The following ATP6V1G3 variants were observed in gnomAD, a reference collection of about 807,000 sequenced individuals.
ATP6V1G3 encodes V-type proton ATPase subunit G 3.
Under a neutral mutation model 9.3 loss-of-function variants are expected in ATP6V1G3, and 9 were observed. The ratio of observed to expected loss-of-function variants is 0.97; its 90% CI spans 0.59 to 1.69. The LOEUF is 1.69. Ranked by LOEUF, ATP6V1G3 falls within the 40% of genes most tolerant of loss-of-function variation. The pLI is 0.00. For missense variants in ATP6V1G3, 133 were observed against 139.0 expected (o/e 0.96, Z 0.22); for synonymous variants, 43 against 43.8 (o/e 0.98, Z 0.07).
chr1:198,530,557 A>T lies in ATP6V1G3; in HGVS notation c.83-1376T>A, dbSNP rs563234597. 3.9e-5 allele frequency among the ~76,000 whole-genome samples: 6 copies of T among 152,264 alleles called. No individual in the cohort carries two copies. The South Asian group carries it at 6.2e-4, about 16-fold the overall frequency. On this transcript the variant is annotated intron_variant, in intron 1 of 2. Coordinates refer to ENST00000367382, the MANE Select transcript of ATP6V1G3 (RefSeq NM_001376861.1). ...AGAACAGATATTTAGCTCTGCCTAC[A>T]CTTTCTTTAAAATCTGAGATCTGCT...
chr1:198,525,863 C>T (rs1416479712), intron 2 of ATP6V1G3, among the ~76,000 whole-genome samples: 1 of 152,014 alleles, frequency 6.6e-6, no homozygotes, highest in Non-Finnish European at 1.5e-5. Context: ...TGTGGCTTTT[C>T]AAGACACCAT....
At chr1:198,534,042 G>A (rs1428892568) in intron 1 of ATP6V1G3, among the ~76,000 whole-genome samples, 1 of 151,986 alleles carries the variant, frequency 6.6e-6, no homozygotes, top group African/African-American at 2.4e-5. Flanking sequence ...CCAACAAAGG[G>A]GAACAAAGAA....
chr1:198,538,020 G>C (rs979325222), intron 1 of ATP6V1G3, among the ~76,000 whole-genome samples: 6 of 152,206 alleles, frequency 3.9e-5, no homozygotes, highest in African/African-American at 1.4e-4. Flanking sequence ...CTCAACGCCT[G>C]TGGCTTCTGA....
intron 1 of ATP6V1G3, among the ~76,000 whole-genome samples, chr1:198,539,041 C>T (rs766151245): frequency 4.6e-5 from 7 of 152,162 alleles, no homozygotes; most frequent in Non-Finnish European, 7.3e-5. Context: ...TATTTCCACA[C>T]TTCGTTGTAG....
chr1:198,538,746 T>C (rs536193274), intron 1 of ATP6V1G3, among the ~76,000 whole-genome samples: 1 of 151,674 alleles, frequency 6.6e-6, no homozygotes, highest in African/African-American at 2.4e-5. Context: ...TCTACAAAAA[T>C]ACAAAAATTG....
chr1:198,525,924 C>T (rs1038557584), intron 2 of ATP6V1G3, among the ~76,000 whole-genome samples: 2 of 152,088 alleles, frequency 1.3e-5, no homozygotes, highest in African/African-American at 4.8e-5. Context: ...CAGTTTAACT[C>T]TGAACAAGTA....
chr1:198,527,374 A>G (rs1659698399), intron 2 of ATP6V1G3, among the ~76,000 whole-genome samples: 1 of 152,152 alleles, frequency 6.6e-6, no homozygotes, highest in Admixed American at 6.6e-5. Context: ...TGATTATTTA[A>G]TTATTAACCA....
At chr1:198,526,195 G>C (rs926967172) in intron 2 of ATP6V1G3, among the ~76,000 whole-genome samples, 5 of 152,044 alleles carry the variant, frequency 3.3e-5, no homozygotes, top group African/African-American at 1.2e-4. Flanking sequence ...GTTTTCCTAG[G>C]GAAGAATTCC....
rs530002837 is a variant in ATP6V1G3, at chr1:198,540,504, A to G, written c.82+65T>C. 127 of 1,533,950 alleles carry G rather than the reference A, an allele frequency of 8.3e-5. 1 individual carries two copies. The South Asian group carries it at 1.3e-3, about 16-fold the overall frequency. On this transcript the variant is annotated intron_variant, in intron 1 of 2. Coordinates refer to ENST00000367382, the MANE Select transcript of ATP6V1G3 (RefSeq NM_001376861.1). ...CAAGGTCTGCCTAATCCAAAAGTCT[A>G]TGCTTATCCCTGCATTCCACTGCTT...
At position 198,523,450 on chromosome 1, in the gene ATP6V1G3, A is replaced by G; in HGVS notation, c.298T>C (p.Leu100=). The change falls in exon 3 of 3, where the codon TTG becomes CTG. Residue 100 remains leucine, a synonymous_variant. Transcript: ENST00000367382. ...GGTTTCATGTCACAGACCATGCTCA[A>G]GAGCTGGTTCATCACACTTTCCATA... ...KYMESVMNQL[L]SMVCDMKPEI... 2 of 1,613,616 alleles carry G rather than the reference A, an allele frequency of 1.2e-6. No individual in the cohort carries two copies. The highest frequency in any genetic ancestry group is 1.7e-6 in the Non-Finnish European group (2 of 1,179,772).
intron 1 of ATP6V1G3, among the ~76,000 whole-genome samples, chr1:198,529,929 AGTTTTAGACG>A (rs1659827961): frequency 1.3e-5 from 2 of 152,156 alleles, no homozygotes; most frequent in East Asian, 1.9e-4. Flanking sequence ...CATAAACGAA[AGTTTTAGACG>A]AATACAATGC....
intron 2 of ATP6V1G3, among the ~76,000 whole-genome samples, chr1:198,528,170 T>G (rs534995001): frequency 6.6e-6 from 1 of 152,244 alleles, no homozygotes; most frequent in East Asian, 1.9e-4. Flanking sequence ...TGATAAAAAT[T>G]TTTATGTTTG....
intron 1 of ATP6V1G3, chr1:198,536,869 T>C (rs1660134615): frequency 1.6e-6 from 1 of 609,038 alleles, no homozygotes; most frequent in Non-Finnish European, 2.8e-6. Context: ...CTTTACTATC[T>C]TACACATATT....
chr1:198,535,262 G>A (rs1660060365), intron 1 of ATP6V1G3, among the ~76,000 whole-genome samples: 2 of 152,078 alleles, frequency 1.3e-5, no homozygotes, highest in South Asian at 4.1e-4. Flanking sequence ...GCAAGACAGG[G>A]CCATGAAATT....
intron 1 of ATP6V1G3, among the ~76,000 whole-genome samples, chr1:198,539,660 T>G (rs962973116): frequency 7.9e-5 from 12 of 152,234 alleles, no homozygotes; most frequent in Non-Finnish European, 1.6e-4. Flanking sequence ...CTGTGTGACC[T>G]TAGACAAGTT....
intron 1 of ATP6V1G3, among the ~76,000 whole-genome samples, chr1:198,529,691 A>T (rs999425904): frequency 2.6e-5 from 4 of 152,200 alleles, no homozygotes; most frequent in African/African-American, 9.6e-5. Context: ...CTAACTTACA[A>T]TTTTTAAAAA....
intron 1 of ATP6V1G3, among the ~76,000 whole-genome samples, chr1:198,530,291 C>T (rs1659845685): frequency 6.6e-6 from 1 of 152,086 alleles, no homozygotes. Flanking sequence ...AATGTGTTCT[C>T]AGGTAGCATG....
intron 2 of ATP6V1G3, among the ~76,000 whole-genome samples, chr1:198,525,403 G>C (rs1038105701): frequency 1.3e-5 from 2 of 152,090 alleles, no homozygotes; most frequent in African/African-American, 4.8e-5. Flanking sequence ...CTTTGGAAAA[G>C]TTAATCTCAA....
chr1:198,527,936 G>T (rs546500475), intron 2 of ATP6V1G3, among the ~76,000 whole-genome samples: 1 of 152,232 alleles, frequency 6.6e-6, no homozygotes, highest in African/African-American at 2.4e-5. Flanking sequence ...AAAGAAAGAT[G>T]AATATATCTA....
Sources: allele counts gnomAD v4.1 joint callset (sites outside exome capture counted in the v4.1 genomes callset), GRCh38; gene constraint gnomAD v4.1.1; transcripts MANE v1.5; gene names NCBI Gene and HGNC (gene_info 2026-07-23, HGNC 2026-07-21).